The following RERE variants were observed in gnomAD, a reference collection of about 807,000 sequenced individuals.
RERE encodes arginine-glutamic acid dipeptide repeats.
A neutral mutation model predicts 146.1 loss-of-function variants in RERE; 40 were observed. The ratio of observed to expected loss-of-function variants is 0.27; its 90% CI spans 0.21 to 0.36. RERE has a LOEUF of 0.36. Among genes scored for constraint, RERE ranks in the 10% least tolerant of loss-of-function variants. The pLI, the probability that RERE is intolerant of heterozygous loss-of-function variation, is 1.00. For synonymous variants in RERE, 1,003 were observed against 866.0 expected (o/e 1.16, Z -2.78); for missense variants, 1,933 against 2,138.7 (o/e 0.90, Z 1.90).
At chr1:8,783,316 C>T (rs983865462) in intron 1 of RERE, among the ~76,000 whole-genome samples, 3 of 152,186 alleles carry the variant, frequency 2.0e-5, no homozygotes, top group African/African-American at 7.2e-5. Flanking sequence ...GCCTGGGCAA[C>T]AGAGTGAGAT....
intron 7 of RERE, chr1:8,512,784 G>T (rs940305674): frequency 6.6e-6 from 1 of 152,142 alleles, no homozygotes; most frequent in Non-Finnish European, 1.5e-5. Flanking sequence ...CAAAATGAGT[G>T]GGGGTAAAAA....
chr1:8,362,514 C>A (rs369753189), intron 16 of RERE, among the ~76,000 whole-genome samples, 169 bp downstream of exon 16: 8 of 152,134 alleles, frequency 5.3e-5, no homozygotes, highest in Admixed American at 4.6e-4. Context: ...TTCTCTAGGC[C>A]CCCAGCCTTC....
chr1:8,502,896 C>T (rs983714010), intron 8 of RERE, among the ~76,000 whole-genome samples: 5 of 150,822 alleles, frequency 3.3e-5, no homozygotes, highest in Non-Finnish European at 5.9e-5. Flanking sequence ...GCAGCGTGCT[C>T]GTTAAGAGTC....
At chr1:8,535,934 C>T (rs1379047036) in intron 7 of RERE, among the ~76,000 whole-genome samples, 1 of 151,762 alleles carries the variant, frequency 6.6e-6, no homozygotes, top group African/African-American at 2.4e-5. Flanking sequence ...GGTGAAACCC[C>T]CTCTCTACTA....
At chr1:8,369,032 CAAAAAAGTTTAAA>C (rs1039549460) in intron 12 of RERE, among the ~76,000 whole-genome samples, 2 of 152,050 alleles carry the variant, frequency 1.3e-5, no homozygotes, top group African/African-American at 4.8e-5. Flanking sequence ...CCAATCTCTA[CAAAAAAGTTTAAA>C]AAATTAGCCC....
chr1:8,648,008 G>A (rs1046591225), intron 2 of RERE, among the ~76,000 whole-genome samples: 2 of 152,136 alleles, frequency 1.3e-5, no homozygotes, highest in Non-Finnish European at 2.9e-5. Context: ...AGTGCAAAAT[G>A]CAGTAAATTT....
intron 4 of RERE, among the ~76,000 whole-genome samples, chr1:8,606,614 A>G (rs749339912): frequency 2.0e-5 from 3 of 152,208 alleles, no homozygotes; most frequent in Non-Finnish European, 4.4e-5. Flanking sequence ...TGAGGAGGGA[A>G]AAGCCAAAAG....
intron 11 of RERE, 53 bp downstream of exon 11, chr1:8,465,856 GAGGTCACACACTGAGA>G: frequency 7.8e-7 from 1 of 1,276,840 alleles, no homozygotes; most frequent in Non-Finnish European, 1.1e-6. Context: ...GAGCAGCAGG[GAGGTCACACACTGAGA>G]CGCCGGTGGC....
chr1:8,580,223 T>C (rs1324591122), intron 4 of RERE, among the ~76,000 whole-genome samples: 2 of 152,156 alleles, frequency 1.3e-5, no homozygotes, highest in African/African-American at 2.4e-5. Flanking sequence ...GAAGAAAGAA[T>C]TCCATTACTA....
chr1:8,463,514 A>T (rs1644552868), intron 11 of RERE, among the ~76,000 whole-genome samples: 1 of 152,192 alleles, frequency 6.6e-6, no homozygotes, highest in Non-Finnish European at 1.5e-5. Flanking sequence ...GGAGACAATC[A>T]ACAGCTGCCT....
In RERE at chr1:8,360,797, G is replaced by C; in HGVS notation, c.2710C>G (p.Gln904Glu). Residue 904 changes from glutamine to glutamate, a missense_variant, in exon 18 of 23, where the codon CAG (glutamine) becomes GAG (glutamate). Around this residue, in one of 11 missense-constraint regions of RERE, gnomAD observed 1,255 missense variants for 1,153.8 expected, o/e 1.09. Transcript: ENST00000400908. Reference sequence around the variant, plus strand: ...GGCTGTTGGGACTGCAGCGCTGACTGAGAGGCTGGCAGCTGCAGGGAGGTG... The same window carrying C: ...GGCTGTTGGGACTGCAGCGCTGACTCAGAGGCTGGCAGCTGCAGGGAGGTG... ...PHTSLQLPAS[Q>E]SALQSQQPPR... The C allele has an allele frequency of 6.3e-7, 1 of 1,583,142 alleles. No homozygotes were observed. Among genetic ancestry groups the C allele is most frequent in the South Asian group, 1.1e-5 (1 of 89,358 alleles).
chr1:8,766,028 A>G (rs1199784772), intron 1 of RERE, among the ~76,000 whole-genome samples: 2 of 151,920 alleles, frequency 1.3e-5, no homozygotes, highest in Non-Finnish European at 2.9e-5. Flanking sequence ...CAGGAGAATC[A>G]CTTGAACCTG....
intron 1 of RERE, among the ~76,000 whole-genome samples, chr1:8,801,644 T>G (rs1357514107): frequency 6.6e-6 from 1 of 152,222 alleles, no homozygotes; most frequent in African/African-American, 2.4e-5. Context: ...ATTATAAAAT[T>G]TCATAATATC....
At chr1:8,748,886 A>G (rs546657678) in intron 1 of RERE, among the ~76,000 whole-genome samples, 2 of 152,318 alleles carry the variant, frequency 1.3e-5, no homozygotes, top group Admixed American at 6.5e-5. Flanking sequence ...AGGTATCAGA[A>G]CATACATATT....
intron 7 of RERE, among the ~76,000 whole-genome samples, chr1:8,520,377 G>C (rs759877256): frequency 2.6e-5 from 4 of 152,056 alleles, no homozygotes; most frequent in Non-Finnish European, 5.9e-5. Context: ...ATATAATTCA[G>C]GGTCCAGAAC....
At chr1:8,382,163 G>C (rs529723714) in intron 12 of RERE, among the ~76,000 whole-genome samples, 1 of 152,386 alleles carries the variant, frequency 6.6e-6, no homozygotes, top group African/African-American at 2.4e-5. Context: ...CAGATAGCAA[G>C]AGGCTCTGGG....
intron 7 of RERE, among the ~76,000 whole-genome samples, chr1:8,536,331 GC>G (rs1397557616): frequency 6.6e-6 from 1 of 152,006 alleles, no homozygotes; most frequent in African/African-American, 2.4e-5. Flanking sequence ...TAGAACCCAG[GC>G]CACCCAGATC....
At chr1:8,623,219 G>A (rs1048052622) in intron 3 of RERE, among the ~76,000 whole-genome samples, 26 of 152,168 alleles carry the variant, frequency 1.7e-4, no homozygotes, top group Admixed American at 2.6e-4. Context: ...GGCCAAAGCA[G>A]GCAAATCACT....
intron 1 of RERE, among the ~76,000 whole-genome samples, chr1:8,661,021 G>A (rs565147113): frequency 2.0e-5 from 3 of 152,160 alleles, no homozygotes; most frequent in Admixed American, 1.3e-4. Flanking sequence ...GCAGTGGAGA[G>A]AGACCACCAA....
Sources: allele counts gnomAD v4.1 joint callset (sites outside exome capture counted in the v4.1 genomes callset), GRCh38; gene constraint gnomAD v4.1.1; regional missense constraint gnomAD v4.1.1; transcripts MANE v1.5; gene names NCBI Gene and HGNC (gene_info 2026-07-23, HGNC 2026-07-21).